The following KIAA1328 variants were observed in gnomAD, a reference collection of about 807,000 sequenced individuals.
KIAA1328 encodes the protein KIAA1328, also known as protein hinderin.
Under a neutral mutation model 68.1 loss-of-function variants are expected in KIAA1328, and 52 were observed. The observed-to-expected ratio is 0.76, with a 90% confidence interval of 0.61 to 0.96. The LOEUF (loss-of-function observed/expected upper bound fraction) is 0.96. Ranked by LOEUF, KIAA1328 falls within the 40% of genes least tolerant of loss-of-function variation. The pLI is 0.00. For synonymous variants in KIAA1328, 232 were observed against 239.4 expected (o/e 0.97, Z 0.28); for missense variants, 641 against 677.6 (o/e 0.95, Z 0.60).
At chr18:37,148,966 TAGAA>T (rs1256800048) in intron 7 of KIAA1328, among the ~76,000 whole-genome samples, 1 of 152,060 alleles carries the variant, frequency 6.6e-6, no homozygotes, top group Non-Finnish European at 1.5e-5. Context: ...GAAGCTCTGA[TAGAA>T]AGAATCAATA....
At chr18:37,000,257 CAA>C (rs2053540425) in intron 6 of KIAA1328, among the ~76,000 whole-genome samples, 2 of 152,094 alleles carry the variant, frequency 1.3e-5, no homozygotes, top group African/African-American at 4.8e-5. Flanking sequence ...TAATAAAAGA[CAA>C]AGAAGGTCTT....
At chr18:37,086,107 G>C (rs190777910) in intron 7 of KIAA1328, among the ~76,000 whole-genome samples, 10 of 152,300 alleles carry the variant, frequency 6.6e-5, no homozygotes, top group African/African-American at 2.2e-4. Flanking sequence ...CCTGGTCTTT[G>C]CTCAAAGACT....
chr18:36,939,186 G>A (rs1001157875), intron 5 of KIAA1328, among the ~76,000 whole-genome samples: 3 of 152,150 alleles, frequency 2.0e-5, no homozygotes, highest in Non-Finnish European at 4.4e-5. Flanking sequence ...ACTTTGGGTA[G>A]TATGAACATT....
intron 7 of KIAA1328, among the ~76,000 whole-genome samples, chr18:37,078,906 G>T (rs556310165): frequency 6.6e-6 from 1 of 151,786 alleles, no homozygotes; most frequent in Non-Finnish European, 1.5e-5. Flanking sequence ...TTCAACCATT[G>T]TGGAGGTCAG....
At chr18:37,028,374 A>G (rs191239266) in intron 6 of KIAA1328, among the ~76,000 whole-genome samples, 143 of 152,238 alleles carry the variant, frequency 9.4e-4, no homozygotes, top group African/African-American at 3.2e-3. Flanking sequence ...TGATTATTCT[A>G]TATTGAATTT....
intron 6 of KIAA1328, among the ~76,000 whole-genome samples, chr18:37,049,673 T>C (rs1349703974): frequency 6.6e-6 from 1 of 152,130 alleles, no homozygotes; most frequent in East Asian, 1.9e-4. Context: ...GTCTGATCTA[T>C]AGCCACCTAC....
At chr18:36,929,823 A>G (rs1194067009) in intron 5 of KIAA1328, among the ~76,000 whole-genome samples, 1 of 152,080 alleles carries the variant, frequency 6.6e-6, no homozygotes, top group Non-Finnish European at 1.5e-5. Context: ...CTGGACTTCC[A>G]GCTGCCAGAA....
intron 5 of KIAA1328, among the ~76,000 whole-genome samples, chr18:36,908,044 CTTTA>C (rs1398975752): frequency 6.6e-6 from 1 of 151,978 alleles, no homozygotes; most frequent in Non-Finnish European, 1.5e-5. Flanking sequence ...TTATCATTGT[CTTTA>C]TTTATATGTC....
At chr18:36,986,129 A>G (rs2151390211) in intron 6 of KIAA1328, among the ~76,000 whole-genome samples, 1 of 152,230 alleles carries the variant, frequency 6.6e-6, no homozygotes, top group East Asian at 1.9e-4. Context: ...GAGAAGTGAA[A>G]GCATATAGTT....
chr18:37,146,359 G>A (rs2058901095), intron 7 of KIAA1328, among the ~76,000 whole-genome samples: 1 of 152,088 alleles, frequency 6.6e-6, no homozygotes, highest in South Asian at 2.1e-4. Context: ...TTCTGTTCCT[G>A]CATTAGGTTG....
At chr18:36,945,056 T>C (rs7230559) in intron 5 of KIAA1328, among the ~76,000 whole-genome samples, 90,619 of 152,060 alleles carry the variant, frequency 0.6, 28,851 homozygotes, top group East Asian at 0.87. Flanking sequence ...TTATGGACAG[T>C]AGCAAAAAGC....
chr18:37,056,935 G>T (rs916388514), intron 6 of KIAA1328, among the ~76,000 whole-genome samples: 1 of 152,098 alleles, frequency 6.6e-6, no homozygotes, highest in African/African-American at 2.4e-5. Flanking sequence ...GAGCCACCAC[G>T]CCCAGCCTAT....
chr18:37,088,522 A>G (rs2057172200), intron 7 of KIAA1328, among the ~76,000 whole-genome samples: 1 of 151,932 alleles, frequency 6.6e-6, no homozygotes, highest in Admixed American at 6.6e-5. Flanking sequence ...CATATTTTTT[A>G]TATAGGGACA....
chr18:36,872,161 T>TGGGTCCAGGTGGTGAGGA (rs1171014470), intron 4 of KIAA1328, among the ~76,000 whole-genome samples: 7 of 152,064 alleles, frequency 4.6e-5, no homozygotes, highest in African/African-American at 1.2e-4. Flanking sequence ...GTGCTGGGGC[T>TGGGTCCAGGTGGTGAGGA]GGGTCCAGGT....
intron 5 of KIAA1328, among the ~76,000 whole-genome samples, chr18:36,892,657 T>C (rs999835097): frequency 7.9e-5 from 12 of 152,216 alleles, no homozygotes; most frequent in African/African-American, 2.9e-4. Flanking sequence ...GAGGCCATTT[T>C]ATTTACTCTA....
chr18:37,035,650 C>T (rs547840679), intron 6 of KIAA1328, among the ~76,000 whole-genome samples: 37 of 152,280 alleles, frequency 2.4e-4, no homozygotes, highest in African/African-American at 8.2e-4. Context: ...CTCAACTTCA[C>T]GTCCCCGAAT....
intron 7 of KIAA1328, among the ~76,000 whole-genome samples, chr18:37,077,712 T>C (rs1372800012): frequency 7.6e-6 from 1 of 132,424 alleles, no homozygotes; most frequent in African/African-American, 3.4e-5. Flanking sequence ...AAATCATGAG[T>C]GAACTCCCAT....
intron 8 of KIAA1328, among the ~76,000 whole-genome samples, chr18:37,163,820 TA>T: frequency 6.6e-6 from 1 of 152,354 alleles, no homozygotes; most frequent in Admixed American, 6.5e-5. Flanking sequence ...TGTTCATCCA[TA>T]AGGGTACCTT....
At chr18:37,042,464 T>G (rs2055293916) in intron 6 of KIAA1328, among the ~76,000 whole-genome samples, 1 of 152,250 alleles carries the variant, frequency 6.6e-6, no homozygotes, top group African/African-American at 2.4e-5. Context: ...AATATGTGGA[T>G]GTCTATTTTG....
Sources: gnomAD v4.1 joint callset for allele counts (sites outside exome capture counted in the v4.1 genomes callset) on GRCh38, gnomAD v4.1.1 for gene constraint, MANE v1.5 for transcripts, NCBI Gene and HGNC (gene_info 2026-07-23, HGNC 2026-07-21) for gene names.